ARHGAP44: variants seen among roughly 807,000 people sequenced by gnomAD.
ARHGAP44 encodes rho GTPase-activating protein 44.
ARHGAP44 carries 43 observed loss-of-function variants against 106.8 expected under a neutral mutation model. The ratio of observed to expected loss-of-function variants is 0.40; its 90% CI spans 0.32 to 0.52. The LOEUF is 0.52. Ranked by LOEUF, ARHGAP44 falls within the 20% of genes least tolerant of loss-of-function variation. ARHGAP44 has a pLI of 0.48. For missense variants in ARHGAP44, 866 were observed against 1,050.5 expected (o/e 0.82, Z 2.43); for synonymous variants, 439 against 410.3 (o/e 1.07, Z -0.85).
chr17:12,954,344 C>T (rs1000432183), intron 13 of ARHGAP44, among the ~76,000 whole-genome samples: 4 of 152,178 alleles, frequency 2.6e-5, no homozygotes, highest in East Asian at 1.9e-4. Flanking sequence ...GTAAATTGTA[C>T]GTATATTACA....
chr17:12,980,278 C>T (rs1369821276), intron 19 of ARHGAP44, 45 bp downstream of exon 19: 1 of 1,550,606 alleles, frequency 6.4e-7, no homozygotes, highest in Non-Finnish European at 8.7e-7. Flanking sequence ...CCGGAGGTGG[C>T]TGTGACATTC....
intron 5 of ARHGAP44, among the ~76,000 whole-genome samples, chr17:12,916,287 G>A (rs779835985): frequency 6.6e-5 from 10 of 152,048 alleles, no homozygotes; most frequent in Non-Finnish European, 1.3e-4. Flanking sequence ...CCACAGCCTC[G>A]ACTGCCTTCA....
chr17:12,866,419 T>A (rs1192975567), intron 1 of ARHGAP44, among the ~76,000 whole-genome samples: 1 of 152,146 alleles, frequency 6.6e-6, no homozygotes, highest in African/African-American at 2.4e-5. Flanking sequence ...GCACCCTGCC[T>A]TTGCACCCCA....
chr17:12,893,111 G>A (rs946834143), intron 1 of ARHGAP44, among the ~76,000 whole-genome samples: 10 of 152,006 alleles, frequency 6.6e-5, no homozygotes, highest in African/African-American at 2.4e-4. Context: ...TGCTCTAGTG[G>A]GGGGAGCAGT....
intron 7 of ARHGAP44, among the ~76,000 whole-genome samples, chr17:12,938,533 A>G (rs1054572457): frequency 2.0e-5 from 3 of 149,628 alleles, no homozygotes; most frequent in African/African-American, 7.4e-5. Flanking sequence ...ACCATAGAGC[A>G]GTCTGCTCAA....
At chr17:12,809,742 A>G (rs1327713650) in intron 1 of ARHGAP44, among the ~76,000 whole-genome samples, 1 of 152,182 alleles carries the variant, frequency 6.6e-6, no homozygotes, top group Non-Finnish European at 1.5e-5. Flanking sequence ...TACGCAGTCA[A>G]AGTGAGATAA....
At position 12,925,592 on chromosome 17, in the gene ARHGAP44, T is replaced by TTCATCTCTC. The variant is rs1598064491; in HGVS notation, c.465-3335_465-3334insATCTCTCTC. ...AATTTTAAACCCTTATTCCTCTCCC[T>TTCATCTCTC]TCTCTCTCATCTCTCCCAAGGCTTC... is the stretch of plus-strand genomic sequence containing the variant. On this transcript the variant is annotated intron_variant, in intron 6 of 20. Coordinates refer to ENST00000379672, the MANE Select transcript of ARHGAP44 (RefSeq NM_014859.6). Among the ~76,000 whole-genome samples the TTCATCTCTC allele has an allele frequency of 3.3e-5, 5 of 152,290 alleles. No individual in the cohort carries two copies. In the East Asian group the frequency reaches 9.6e-4, roughly 29 times the overall value.
At chr17:12,897,020 C>T (rs2037225871) in intron 3 of ARHGAP44, among the ~76,000 whole-genome samples, 2 of 152,160 alleles carry the variant, frequency 1.3e-5, no homozygotes, top group Admixed American at 6.6e-5. Context: ...TTCTCTAATG[C>T]CTTTGTCTAT....
In ARHGAP44 at chr17:12,980,245, C is replaced by A; in HGVS notation, c.1939+12C>A. ...CACCCTCCGGAAAGGTATGGCCCTG[C>A]TTCCCTTCTCCTTGGTCTCAGGCCG... On this transcript the variant is annotated intron_variant, in intron 19 of 20. Transcript: ENST00000379672. 6.3e-7 allele frequency: 1 copy of A among 1,596,368 alleles called. No individual in the cohort carries two copies. The highest frequency in any genetic ancestry group is 8.5e-7 in the Non-Finnish European group (1 of 1,170,436).
chr17:12,938,320 A>G (rs891452827), intron 7 of ARHGAP44, among the ~76,000 whole-genome samples: 4 of 152,314 alleles, frequency 2.6e-5, no homozygotes, highest in African/African-American at 9.6e-5. Context: ...TAAATTTTTC[A>G]AAGAATGAAA....
intron 6 of ARHGAP44, among the ~76,000 whole-genome samples, chr17:12,928,208 C>A (rs2038301182): frequency 3.3e-5 from 5 of 152,146 alleles, no homozygotes; most frequent in Admixed American, 3.3e-4. Context: ...TTTGGGCTTA[C>A]CAGTGGAGAT....
chr17:12,801,801 G>C (rs1473472347), intron 1 of ARHGAP44, among the ~76,000 whole-genome samples: 1 of 151,934 alleles, frequency 6.6e-6, no homozygotes, highest in Non-Finnish European at 1.5e-5. Context: ...GTTATCTCTG[G>C]GCAGGATTAT....
intron 16 of ARHGAP44, among the ~76,000 whole-genome samples, chr17:12,968,913 G>C (rs899738319): frequency 6.6e-6 from 1 of 151,894 alleles, no homozygotes; most frequent in Non-Finnish European, 1.5e-5. Context: ...GGGATTACGG[G>C]CACCCACCAC....
At chr17:12,876,926 A>G (rs111748177) in intron 1 of ARHGAP44, among the ~76,000 whole-genome samples, 3,713 of 151,658 alleles carry the variant, frequency 0.024, 159 homozygotes, top group African/African-American at 0.085. Context: ...AAAAAAAAAA[A>G]AAGAAGAAAA....
chr17:12,967,249 CTTTTTTTTTTTT>C (rs57651305), intron 16 of ARHGAP44, among the ~76,000 whole-genome samples: 12 of 93,180 alleles, frequency 1.3e-4, no homozygotes, highest in African/African-American at 1.7e-4. Context: ...ACTCTTTTTG[CTTTTTTTTTTTT>C]TTTTTTTTTT....
intron 1 of ARHGAP44, among the ~76,000 whole-genome samples, chr17:12,874,432 G>A (rs746809921): frequency 6.6e-6 from 1 of 152,100 alleles, no homozygotes; most frequent in Non-Finnish European, 1.5e-5. Flanking sequence ...GCAAGAGAGG[G>A]CATTAAAAGC....
intron 3 of ARHGAP44, among the ~76,000 whole-genome samples, chr17:12,902,233 T>C (rs2037394531): frequency 6.6e-6 from 1 of 152,134 alleles, no homozygotes. Context: ...TCAGCTGTGC[T>C]CACCTGGTAC....
chr17:12,850,220 T>A (rs1053517555), intron 1 of ARHGAP44, among the ~76,000 whole-genome samples: 1 of 152,150 alleles, frequency 6.6e-6, no homozygotes, highest in Non-Finnish European at 1.5e-5. Flanking sequence ...ATGAAGGAAG[T>A]TGCTCAGGAT....
chr17:12,938,598 A>C (rs1273776721), intron 7 of ARHGAP44, among the ~76,000 whole-genome samples: 4 of 151,552 alleles, frequency 2.6e-5, no homozygotes, highest in Admixed American at 2.0e-4. Flanking sequence ...AAAAAAAAAA[A>C]AAAAACAGCT....
Sources: allele counts gnomAD v4.1 joint callset (sites outside exome capture counted in the v4.1 genomes callset), GRCh38; gene constraint gnomAD v4.1.1; transcripts MANE v1.5; gene names NCBI Gene and HGNC (gene_info 2026-07-23, HGNC 2026-07-21).